Variants in BRINP1 observed in about 807,000 individuals in gnomAD.
The protein encoded by BRINP1 is BMP/retinoic acid-inducible neural-specific protein 1.
Under a neutral mutation model 72.9 loss-of-function variants are expected in BRINP1, and 17 were observed. That is an observed-to-expected ratio of 0.23 (90% CI 0.16 to 0.35). The LOEUF (loss-of-function observed/expected upper bound fraction) is 0.35, where lower values mean the gene tolerates loss of function less well. Ranked by LOEUF, BRINP1 falls within the 10% of genes least tolerant of loss-of-function variation. The pLI is 1.00. For synonymous variants in BRINP1, 418 were observed against 378.5 expected (o/e 1.10, Z -1.21); for missense variants, 850 against 1,001.6 (o/e 0.85, Z 2.04).
At chr9:119,304,235 T>C (rs112470142) in intron 2 of BRINP1, among the ~76,000 whole-genome samples, 1 of 152,190 alleles carries the variant, frequency 6.6e-6, no homozygotes, top group African/African-American at 2.4e-5. Context: ...TTGGAATTTA[T>C]CCTTATTTTG....
intron 1 of BRINP1, among the ~76,000 whole-genome samples, chr9:119,332,986 CT>C (rs779933282): frequency 6.6e-6 from 1 of 152,112 alleles, no homozygotes; most frequent in African/African-American, 2.4e-5. Flanking sequence ...AGCAAAGTAA[CT>C]TGTTCAAAGT....
intron 5 of BRINP1, among the ~76,000 whole-genome samples, chr9:119,229,029 T>C (rs985850936): frequency 7.9e-5 from 12 of 152,136 alleles, no homozygotes; most frequent in African/African-American, 2.7e-4. Flanking sequence ...AAGTACACTT[T>C]TTATGTATAT....
At chr9:119,253,602 A>T (rs549697673) in intron 2 of BRINP1, among the ~76,000 whole-genome samples, 11 of 152,286 alleles carry the variant, frequency 7.2e-5, no homozygotes, top group Admixed American at 2.0e-4. Flanking sequence ...GAGGCTGGGA[A>T]GGATAGTTGG....
chr9:119,240,531 C>T (rs1830236203), intron 4 of BRINP1, among the ~76,000 whole-genome samples: 1 of 152,174 alleles, frequency 6.6e-6, no homozygotes, highest in African/African-American at 2.4e-5. Flanking sequence ...AATTCCACAT[C>T]CCATCCAGCG....
chr9:119,286,375 G>A (rs976561276), intron 2 of BRINP1, among the ~76,000 whole-genome samples: 1 of 152,036 alleles, frequency 6.6e-6, no homozygotes, highest in Non-Finnish European at 1.5e-5. Flanking sequence ...TGGGACTACA[G>A]GCGCCTGCCA....
intron 1 of BRINP1, among the ~76,000 whole-genome samples, chr9:119,357,786 T>A (rs1831583916): frequency 6.6e-6 from 1 of 152,218 alleles, no homozygotes; most frequent in Non-Finnish European, 1.5e-5. Flanking sequence ...GGGCAGAGTC[T>A]GCATGACAGA....
intron 1 of BRINP1, among the ~76,000 whole-genome samples, chr9:119,349,753 G>T (rs922875317): frequency 2.0e-5 from 3 of 152,158 alleles, no homozygotes; most frequent in African/African-American, 7.2e-5. Context: ...TCAGCGAAAA[G>T]CCCCCAGCAG....
intron 7 of BRINP1, among the ~76,000 whole-genome samples, chr9:119,207,556 C>G (rs1412166583): frequency 6.6e-6 from 1 of 152,156 alleles, no homozygotes; most frequent in Non-Finnish European, 1.5e-5. Flanking sequence ...CAATAATACC[C>G]CTAACCCTTG....
chr9:119,236,013 C>T (rs1424203334), intron 5 of BRINP1, among the ~76,000 whole-genome samples: 1 of 152,086 alleles, frequency 6.6e-6, no homozygotes, highest in African/African-American at 2.4e-5. Flanking sequence ...AGCTGGGATC[C>T]TTGTAACTTC....
chr9:119,269,247 C>T (rs988089041), intron 2 of BRINP1, among the ~76,000 whole-genome samples: 15 of 152,188 alleles, frequency 9.9e-5, no homozygotes, highest in African/African-American at 3.4e-4. Context: ...TACACATGGG[C>T]TTTGTCCTTT....
intron 7 of BRINP1, among the ~76,000 whole-genome samples, chr9:119,190,691 A>C (rs979343838): frequency 1.3e-4 from 20 of 151,990 alleles, no homozygotes; most frequent in Admixed American, 8.5e-4. Context: ...GCCCAGGACC[A>C]GATGGCTTCA....
At chr9:119,355,524 T>C (rs140844785) in intron 1 of BRINP1, among the ~76,000 whole-genome samples, 10,254 of 152,044 alleles carry the variant, frequency 0.067, 488 homozygotes, top group South Asian at 0.18. Context: ...GTCAGGAGAT[T>C]GAGACCATCC....
chr9:119,214,689 T>A (rs1271449380), intron 5 of BRINP1, among the ~76,000 whole-genome samples: 2 of 151,850 alleles, frequency 1.3e-5, no homozygotes, highest in Non-Finnish European at 2.9e-5. Flanking sequence ...TTTATAGACC[T>A]ATAGCAGAGA....
intron 5 of BRINP1, among the ~76,000 whole-genome samples, chr9:119,222,627 G>A (rs73532220): frequency 7.8e-6 from 1 of 128,764 alleles, no homozygotes; most frequent in African/African-American, 3.3e-5. Context: ...AAGGAACTAG[G>A]AAAGGCAAGG....
chr9:119,260,585 T>G (rs533872212), intron 2 of BRINP1, among the ~76,000 whole-genome samples: 2 of 152,324 alleles, frequency 1.3e-5, no homozygotes, highest in Admixed American at 6.5e-5. Context: ...GCTCCCAAAA[T>G]GTTTGAAAAC....
chr9:119,210,419 T>A (rs996020945), intron 6 of BRINP1, among the ~76,000 whole-genome samples: 25 of 152,210 alleles, frequency 1.6e-4, no homozygotes, highest in Admixed American at 1.2e-3. Flanking sequence ...CCAGGCACAG[T>A]CCTAATCACC....
At chr9:119,169,463 C>G (rs1829372569) in intron 7 of BRINP1, among the ~76,000 whole-genome samples, 1 of 152,244 alleles carries the variant, frequency 6.6e-6, no homozygotes, top group Admixed American at 6.5e-5. Context: ...TATTACCGCA[C>G]CTGGCTCGGA....
intron 5 of BRINP1, among the ~76,000 whole-genome samples, chr9:119,238,232 C>A (rs912595794): frequency 1.3e-5 from 2 of 152,064 alleles, no homozygotes; most frequent in African/African-American, 4.8e-5. Context: ...CTTTTCCCTG[C>A]AATCTCCTCT....
chr9:119,215,713 C>G (rs1401614463), intron 5 of BRINP1, among the ~76,000 whole-genome samples: 1 of 152,104 alleles, frequency 6.6e-6, no homozygotes, highest in African/African-American at 2.4e-5. Flanking sequence ...CACATGGCAG[C>G]TAAAAGAGAA....
Sources: allele counts gnomAD v4.1 joint callset (sites outside exome capture counted in the v4.1 genomes callset), GRCh38; gene constraint gnomAD v4.1.1; transcripts MANE v1.5; gene names NCBI Gene and HGNC (gene_info 2026-07-23, HGNC 2026-07-21).